Variants in KAT6B observed in about 807,000 individuals in gnomAD.
KAT6B encodes lysine acetyltransferase 6B.
Under a neutral mutation model 187.5 loss-of-function variants are expected in KAT6B, and 10 were observed. The ratio of observed to expected loss-of-function variants is 0.05; its 90% CI spans 0.03 to 0.09. The LOEUF (loss-of-function observed/expected upper bound fraction) is 0.09. Among genes scored for constraint, KAT6B ranks in the 10% least tolerant of loss-of-function variants. The pLI, the probability that KAT6B is intolerant of heterozygous loss-of-function variation, is 1.00. For synonymous variants in KAT6B, 861 were observed against 926.8 expected, an observed-to-expected ratio of 0.93 and a Z score of 1.29; for missense variants, 1,952 against 2,558.9, an observed-to-expected ratio of 0.76 and a Z score of 5.12.
intron 13 of KAT6B, among the ~76,000 whole-genome samples, chr10:75,001,991 C>T (rs1423484199): frequency 6.6e-6 from 1 of 152,260 alleles, no homozygotes; most frequent in African/African-American, 2.4e-5. Context: ...AAACTGTGCT[C>T]TCCAGCAAGG....
chr10:74,945,894 T>A (rs191073608), intron 3 of KAT6B, among the ~76,000 whole-genome samples: 1 of 152,370 alleles, frequency 6.6e-6, no homozygotes, highest in Admixed American at 6.5e-5. Flanking sequence ...ACTGCACTTT[T>A]AATTTTCTTT....
intron 3 of KAT6B, among the ~76,000 whole-genome samples, chr10:74,916,830 G>A (rs564773694): frequency 3.3e-5 from 5 of 152,244 alleles, no homozygotes; most frequent in South Asian, 2.1e-4. Context: ...GGCCTGGCAC[G>A]GTGGCTCATG....
At chr10:74,872,698 G>C (rs1017964934) in intron 3 of KAT6B, among the ~76,000 whole-genome samples, 1 of 118,062 alleles carries the variant, frequency 8.5e-6, no homozygotes, top group African/African-American at 4.4e-5. Flanking sequence ...TTTTTTTTTT[G>C]TAGAGAGGGG....
intron 1 of KAT6B, among the ~76,000 whole-genome samples, chr10:74,831,514 T>C (rs1840860682): frequency 6.6e-6 from 1 of 152,212 alleles, no homozygotes; most frequent in African/African-American, 2.4e-5. Flanking sequence ...TTACAATCTA[T>C]TTTTGCTTTC....
intron 13 of KAT6B, among the ~76,000 whole-genome samples, chr10:74,993,192 G>T (rs1160267098): frequency 6.6e-6 from 1 of 152,192 alleles, no homozygotes; most frequent in East Asian, 1.9e-4. Flanking sequence ...GGGGCCCAGA[G>T]TGCTCCCTCC....
At chr10:74,995,725 T>C (rs1353495972) in intron 13 of KAT6B, among the ~76,000 whole-genome samples, 1 of 152,244 alleles carries the variant, frequency 6.6e-6, no homozygotes, top group Admixed American at 6.5e-5. Flanking sequence ...GCTTACCTGC[T>C]TTCCTATGTA....
intron 2 of KAT6B, 139 bp from the exon 3 acceptor site, chr10:74,842,461 G>A: frequency 2.2e-6 from 1 of 458,462 alleles, no homozygotes. Flanking sequence ...TATAGTCACT[G>A]TGGCTGTGTT....
intron 3 of KAT6B, among the ~76,000 whole-genome samples, chr10:74,851,653 T>C (rs995430629): frequency 6.6e-6 from 1 of 151,952 alleles, no homozygotes; most frequent in African/African-American, 2.4e-5. Flanking sequence ...TTAAAAGGAG[T>C]TCAGATGATC....
At chr10:74,861,186 C>T (rs189336217) in intron 3 of KAT6B, among the ~76,000 whole-genome samples, 4 of 151,862 alleles carry the variant, frequency 2.6e-5, no homozygotes. Context: ...CCTGTAATCC[C>T]AACTCCTCAG....
intron 3 of KAT6B, among the ~76,000 whole-genome samples, chr10:74,930,051 C>G (rs924480163): frequency 1.3e-5 from 2 of 151,820 alleles, no homozygotes; most frequent in African/African-American, 4.8e-5. Context: ...TCCAGAGTAG[C>G]TGGGATTACA....
At chr10:74,950,519 A>G (rs1486201633) in intron 3 of KAT6B, among the ~76,000 whole-genome samples, 1 of 152,190 alleles carries the variant, frequency 6.6e-6, no homozygotes, top group African/African-American at 2.4e-5. Flanking sequence ...CGAAGACCAT[A>G]TCTGAAGCAG....
chr10:74,955,334 A>G (rs928864626), intron 3 of KAT6B, among the ~76,000 whole-genome samples: 2 of 151,618 alleles, frequency 1.3e-5, no homozygotes, highest in Admixed American at 6.6e-5. Flanking sequence ...CCTACTGAAA[A>G]TAATGATTCA....
intron 3 of KAT6B, among the ~76,000 whole-genome samples, chr10:74,899,802 A>G (rs550622453): frequency 6.6e-6 from 1 of 152,264 alleles, no homozygotes; most frequent in Middle Eastern, 3.4e-3. Context: ...TTTTTGGTCA[A>G]ATGTTAAATA....
chr10:74,981,291 C>T (rs1474077590), intron 10 of KAT6B, among the ~76,000 whole-genome samples: 1 of 148,098 alleles, frequency 6.8e-6, no homozygotes, highest in South Asian at 2.2e-4. Context: ...TATTGGCTGG[C>T]TTTCTTTCTT....
chr10:74,968,748 T>C (rs1841651901), intron 4 of KAT6B, among the ~76,000 whole-genome samples: 1 of 152,182 alleles, frequency 6.6e-6, no homozygotes, highest in South Asian at 2.1e-4. Context: ...TTCGGGTTTA[T>C]GTGATAAAAG....
chr10:74,840,010 G>A (rs896882478), intron 2 of KAT6B, among the ~76,000 whole-genome samples: 2 of 152,160 alleles, frequency 1.3e-5, no homozygotes, highest in African/African-American at 4.8e-5. Flanking sequence ...TTAAATCAAC[G>A]AGATGAAATT....
intron 14 of KAT6B, 149 bp downstream of exon 14, chr10:75,020,962 A>G: frequency 2.0e-6 from 2 of 976,962 alleles, no homozygotes; most frequent in Non-Finnish European, 3.2e-6. Context: ...ACATGAAATG[A>G]CACTTTTTTA....
At chr10:74,854,871 G>C (rs1227554656) in intron 3 of KAT6B, among the ~76,000 whole-genome samples, 1 of 152,160 alleles carries the variant, frequency 6.6e-6, no homozygotes, top group Non-Finnish European at 1.5e-5. Context: ...TCTGTAGCTC[G>C]ACAGGCGTTA....
At chr10:74,846,084 G>T (rs1473143859) in intron 3 of KAT6B, among the ~76,000 whole-genome samples, 3 of 151,908 alleles carry the variant, frequency 2.0e-5, no homozygotes, top group East Asian at 1.9e-4. Flanking sequence ...GGCTGGTCTC[G>T]ATCTCCTGGG....
Sources: gnomAD v4.1 joint callset for allele counts (sites outside exome capture counted in the v4.1 genomes callset) on GRCh38, gnomAD v4.1.1 for gene constraint, MANE v1.5 for transcripts, NCBI Gene and HGNC (gene_info 2026-07-23, HGNC 2026-07-21) for gene names.